RELN: variants seen among roughly 807,000 people sequenced by gnomAD.
The protein encoded by RELN is reelin.
A neutral mutation model predicts 427.6 loss-of-function variants in RELN; 108 were observed. That is an observed-to-expected ratio of 0.25 (90% CI 0.22 to 0.30). The LOEUF is 0.30. Among genes scored for constraint, RELN ranks in the 10% least tolerant of loss-of-function variants. The probability of loss-of-function intolerance (pLI) is 1.00; values close to 1 mark genes in which losing one functional copy is unlikely to be tolerated. For synonymous variants in RELN, 1,524 were observed against 1,513.4 expected, an observed-to-expected ratio of 1.01 and a Z score of -0.16; for missense variants, 3,715 against 4,302.8, an observed-to-expected ratio of 0.86 and a Z score of 3.82.
intron 46 of RELN, among the ~76,000 whole-genome samples, chr7:103,524,115 A>G (rs551336315): frequency 1.3e-5 from 2 of 152,334 alleles, no homozygotes; most frequent in South Asian, 4.1e-4. Flanking sequence ...AACAAAAACG[A>G]ATCCTAAAAC....
chr7:103,804,031 T>A (rs1182607645), intron 3 of RELN, among the ~76,000 whole-genome samples: 1 of 152,160 alleles, frequency 6.6e-6, no homozygotes, highest in Non-Finnish European at 1.5e-5. Flanking sequence ...CTCCATCATG[T>A]AATTAGCTTC....
intron 4 of RELN, among the ~76,000 whole-genome samples, chr7:103,771,109 G>T (rs911005045): frequency 2.6e-5 from 4 of 151,702 alleles, no homozygotes; most frequent in African/African-American, 9.7e-5. Context: ...TAGAGGTGGG[G>T]TTTCACTATG....
intron 2 of RELN, among the ~76,000 whole-genome samples, chr7:103,899,143 T>G (rs60648014): frequency 0.35 from 52,978 of 151,730 alleles, 9,686 homozygotes; most frequent in East Asian, 0.67. Flanking sequence ...ACAAACTACT[T>G]TCAGAGAATA....
chr7:103,725,273 C>T (rs144699967), intron 7 of RELN, among the ~76,000 whole-genome samples: 84 of 152,268 alleles, frequency 5.5e-4, no homozygotes, highest in African/African-American at 1.9e-3. Context: ...AGTAAATAGG[C>T]CTGGTGCAGA....
At chr7:103,699,991 T>G (rs1279534365) in intron 9 of RELN, among the ~76,000 whole-genome samples, 1 of 152,068 alleles carries the variant, frequency 6.6e-6, no homozygotes, top group Non-Finnish European at 1.5e-5. Context: ...TTAGACAAAC[T>G]GGCTTAATAT....
intron 3 of RELN, among the ~76,000 whole-genome samples, chr7:103,817,199 C>G (rs990269234): frequency 1.3e-5 from 2 of 152,148 alleles, no homozygotes; most frequent in African/African-American, 4.8e-5. Context: ...TTCTGTTTTC[C>G]ACTCTTCTGC....
At chr7:103,801,978 G>A (rs1418460210) in intron 3 of RELN, among the ~76,000 whole-genome samples, 2 of 152,160 alleles carry the variant, frequency 1.3e-5, no homozygotes, top group Admixed American at 1.3e-4. Context: ...CTAATGCACT[G>A]GTACGTATTT....
intron 17 of RELN, 99 bp from the exon 18 acceptor site, chr7:103,636,567 A>G (rs1411249193): frequency 1.3e-6 from 1 of 789,606 alleles, no homozygotes; most frequent in Non-Finnish European, 2.2e-6. Context: ...CTAGGATTTG[A>G]TTGAATGGTA....
At chr7:103,890,069 C>A (rs1179845869) in intron 2 of RELN, among the ~76,000 whole-genome samples, 1 of 152,132 alleles carries the variant, frequency 6.6e-6, no homozygotes. Flanking sequence ...CCTTCCATGG[C>A]ACCTCTGGCA....
rs147062789 is a variant in RELN, at chr7:103,665,991, C to A, written c.1290-4464G>T. Reference sequence around the variant, plus strand: ...TCTTCAGTTGTTTCTATATTTTTACCTTTATAGTTAATACTTAATTTCTAT... The same window carrying A: ...TCTTCAGTTGTTTCTATATTTTTACATTTATAGTTAATACTTAATTTCTAT... On this transcript the variant is annotated intron_variant, in intron 11 of 64. Transcript: ENST00000428762. Among the ~76,000 whole-genome samples, 467 of 151,406 alleles carry A rather than the reference C, an allele frequency of 3.1e-3. 2 individuals carry two copies. Among genetic ancestry groups the A allele is most frequent in the African/African-American group, 0.011 (453 of 41,308 alleles).
intron 6 of RELN, among the ~76,000 whole-genome samples, chr7:103,748,057 T>C (rs999877050): frequency 1.3e-5 from 2 of 149,926 alleles, no homozygotes; most frequent in African/African-American, 2.4e-5. Flanking sequence ...AATCATATGA[T>C]AACATCTATA....
chr7:103,719,252 C>A (rs1041366260), intron 8 of RELN, among the ~76,000 whole-genome samples: 1 of 152,064 alleles, frequency 6.6e-6, no homozygotes, highest in South Asian at 2.1e-4. Context: ...TAGGAGGGCA[C>A]GCATGTTCCC....
chr7:103,481,483 C>T (rs951085463), intron 63 of RELN, among the ~76,000 whole-genome samples: 6 of 152,068 alleles, frequency 3.9e-5, no homozygotes, highest in African/African-American at 1.2e-4. Context: ...TATTATCTAC[C>T]AGTTTATGAG....
At chr7:103,790,459 A>G (rs1792132373) in intron 3 of RELN, among the ~76,000 whole-genome samples, 1 of 152,284 alleles carries the variant, frequency 6.6e-6, no homozygotes, top group South Asian at 2.1e-4. Flanking sequence ...CTTGCATTTT[A>G]AGATGTATTT....
chr7:103,763,377 C>T (rs1350402937), intron 4 of RELN, among the ~76,000 whole-genome samples: 1 of 152,076 alleles, frequency 6.6e-6, no homozygotes, highest in Non-Finnish European at 1.5e-5. Context: ...AGGTACTGTG[C>T]CAAGTTCTGG....
At chr7:103,908,952 C>T (rs73183749) in intron 2 of RELN, among the ~76,000 whole-genome samples, 1 of 152,110 alleles carries the variant, frequency 6.6e-6, no homozygotes, top group Admixed American at 6.6e-5. Flanking sequence ...AATAAAACAT[C>T]ATGCCTTTGA....
At position 103,511,017 on chromosome 7, in the gene RELN, AAAAC is replaced by A. The variant is rs1248948471; in HGVS notation, c.8120-16_8120-13del. 7 of 1,610,992 alleles carry A rather than the reference AAAAC, an allele frequency of 4.3e-6. No individual in the cohort carries two copies. In the Admixed American group the frequency reaches 5.0e-5, roughly 12 times the overall value. On this transcript the variant is annotated splice_polypyrimidine_tract_variant and intron_variant, in intron 50 of 64. Coordinates refer to ENST00000428762, the MANE Select transcript of RELN (RefSeq NM_005045.4). ...CCAGTGCTCATTCACTTAAAACAAA[AAAAC>A]AAAATTTTATGACAAATTTGTGACA...
At position 103,540,423 on chromosome 7, in the gene RELN, C is replaced by T. The variant is rs1409918730; in HGVS notation, c.6704G>A (p.Gly2235Asp). The change falls in exon 44 of 65, where the codon GGT becomes GAT. Residue 2235 changes from glycine to aspartate, a missense_variant. By Grantham distance (94) the Gly-to-Asp change is moderately conservative. Coordinates refer to ENST00000428762, the MANE Select transcript of RELN (RefSeq NM_005045.4). ...FVQFFMRLGC[G>D]KGVPDPRSQP... Reference sequence around the variant, plus strand: ...ACTCCTGGGGTCAGGAACGCCTTTACCACATCCCAGTCTCATGAAGAACTG... The same window carrying T: ...ACTCCTGGGGTCAGGAACGCCTTTATCACATCCCAGTCTCATGAAGAACTG... 2 of 1,614,030 alleles carry T rather than the reference C, an allele frequency of 1.2e-6. No individual in the cohort carries two copies. The highest frequency in any genetic ancestry group is 1.7e-6 in the Non-Finnish European group (2 of 1,179,964).
chr7:103,983,707 T>C (rs2116847834), intron 1 of RELN, among the ~76,000 whole-genome samples: 1 of 152,316 alleles, frequency 6.6e-6, no homozygotes, highest in South Asian at 2.1e-4. Context: ...CCTTTTAACG[T>C]GTATTAAGTC....
Sources: gnomAD v4.1 joint callset for allele counts (sites outside exome capture counted in the v4.1 genomes callset) on GRCh38, gnomAD v4.1.1 for gene constraint, MANE v1.5 for transcripts, NCBI Gene and HGNC (gene_info 2026-07-23, HGNC 2026-07-21) for gene names.